TRIO: variants seen among roughly 807,000 people sequenced by gnomAD.
TRIO encodes the protein trio Rho guanine nucleotide exchange factor, also known as triple functional domain protein.
A neutral mutation model predicts 351.9 loss-of-function variants in TRIO; 58 were observed. The ratio of observed to expected loss-of-function variants is 0.16; its 90% CI spans 0.13 to 0.21. TRIO has a LOEUF of 0.21. Ranked by LOEUF, TRIO falls within the 10% of genes least tolerant of loss-of-function variation. The pLI is 1.00. For missense variants in TRIO, 3,201 were observed against 4,027.8 expected, an observed-to-expected ratio of 0.79 and a Z score of 5.56; for synonymous variants, 1,758 against 1,595.7, an observed-to-expected ratio of 1.10 and a Z score of -2.42.
intron 26 of TRIO, chr5:14,390,588 G>A (rs558698649): frequency 2.8e-5 from 15 of 531,564 alleles, no homozygotes; most frequent in South Asian, 2.1e-4. Context: ...CTGGGGGATC[G>A]TCTAGTCTAG....
In TRIO at chr5:14,215,778, T is replaced by A. The variant is rs115762698; in HGVS notation, c.158-55047T>A. 3.2e-3 allele frequency among the ~76,000 whole-genome samples: 495 copies of A among 152,346 alleles called. 3 individuals are homozygous for A. Among genetic ancestry groups the A allele is most frequent in the African/African-American group, 0.011 (461 of 41,584 alleles). ...TTAAGTTCTACTACTCCAAAGTGCCTAAAAATCGAGAAACCATAAAACTAG... is the reference window on the plus strand; with the variant it reads ...TTAAGTTCTACTACTCCAAAGTGCCAAAAAATCGAGAAACCATAAAACTAG... On this transcript the variant is annotated intron_variant, in intron 1 of 56. Transcript: ENST00000344204.
intron 1 of TRIO, among the ~76,000 whole-genome samples, chr5:14,176,566 A>G (rs1038150949): frequency 6.6e-5 from 10 of 151,920 alleles, no homozygotes; most frequent in Non-Finnish European, 1.3e-4. Context: ...CAGTCCTCCT[A>G]CCTCAGCCTC....
intron 18 of TRIO, among the ~76,000 whole-genome samples, chr5:14,371,327 G>A (rs148347389): frequency 2.6e-5 from 4 of 152,206 alleles, no homozygotes; most frequent in Non-Finnish European, 4.4e-5. Flanking sequence ...GAATTTTGTG[G>A]TGTTTGTGTA....
intron 1 of TRIO, among the ~76,000 whole-genome samples, chr5:14,161,383 C>A (rs973517273): frequency 8.5e-5 from 13 of 152,204 alleles, no homozygotes; most frequent in African/African-American, 3.1e-4. Context: ...CTCAAACATC[C>A]TTTCCTTTGG....
Position 14,217,365 on chromosome 5 carries a change from C to A in TRIO, c.158-53460C>A, listed in dbSNP as rs1276989832. On this transcript the variant is annotated intron_variant, in intron 1 of 56. Transcript: ENST00000344204. ...CCTACACCTGCAGCTTCTTTCTGGGCCCCTTTCTTGCCCTCAGTCCTGGCA... is the reference window on the plus strand; with the variant it reads ...CCTACACCTGCAGCTTCTTTCTGGGACCCTTTCTTGCCCTCAGTCCTGGCA... 3.9e-5 allele frequency among the ~76,000 whole-genome samples: 6 copies of A among 152,244 alleles called. No individual in the cohort carries two copies. The South Asian group carries it at 1.2e-3, about 32-fold the overall frequency.
chr5:14,224,032 A>G (rs1250865268), intron 1 of TRIO, among the ~76,000 whole-genome samples: 2 of 152,182 alleles, frequency 1.3e-5, no homozygotes, highest in African/African-American at 4.8e-5. Flanking sequence ...ATGTTTTTCA[A>G]GCAGAGATTG....
intron 55 of TRIO, among the ~76,000 whole-genome samples, 186 bp from the exon 56 acceptor site, chr5:14,506,936 C>T (rs933618635): frequency 3.9e-4 from 59 of 152,206 alleles, no homozygotes; most frequent in African/African-American, 1.3e-3. Context: ...GTACCCCACT[C>T]GCATCTTCCC....
intron 2 of TRIO, among the ~76,000 whole-genome samples, chr5:14,279,933 G>A (rs1299194745): frequency 6.6e-6 from 1 of 152,226 alleles, no homozygotes; most frequent in African/African-American, 2.4e-5. Flanking sequence ...TTGAATGCAG[G>A]GCAATGGGGA....
At chr5:14,346,379 A>G (rs918951167) in intron 11 of TRIO, among the ~76,000 whole-genome samples, 4 of 152,236 alleles carry the variant, frequency 2.6e-5, no homozygotes, top group Non-Finnish European at 5.9e-5. Flanking sequence ...GGAAAGACTT[A>G]TTTAATCTAA....
Position 14,430,605 on chromosome 5 carries a change from G to C in TRIO, c.5203+10584G>C, listed in dbSNP as rs148202756. 5.6e-3 allele frequency among the ~76,000 whole-genome samples: 858 copies of C among 152,174 alleles called. 19 individuals carry two copies. The highest frequency in any genetic ancestry group is 0.036 in the East Asian group (188 of 5,172). Reference sequence around the variant, plus strand: ...CTGGGCTGTTGATGGCTCTCCTAGTGGGCCTTGGAGTCTCTGTATAATCTC... The same window carrying C: ...CTGGGCTGTTGATGGCTCTCCTAGTCGGCCTTGGAGTCTCTGTATAATCTC... On this transcript the variant is annotated intron_variant, in intron 34 of 56. Transcript: ENST00000344204.
intron 21 of TRIO, among the ~76,000 whole-genome samples, chr5:14,384,133 G>C (rs146883042): frequency 6.6e-6 from 1 of 152,146 alleles, no homozygotes; most frequent in Non-Finnish European, 1.5e-5. Flanking sequence ...ACCTAGTGAC[G>C]TAGGCTCTCT....
chr5:14,161,254 A>G (rs151681), intron 1 of TRIO, among the ~76,000 whole-genome samples: 46,879 of 152,022 alleles, frequency 0.31, 7,693 homozygotes, highest in East Asian at 0.48. Flanking sequence ...GTAGCTGGGC[A>G]GACCTCCTGG....
At chr5:14,184,585 AT>A (rs1789992704) in intron 1 of TRIO, among the ~76,000 whole-genome samples, 1 of 152,200 alleles carries the variant, frequency 6.6e-6, no homozygotes, top group African/African-American at 2.4e-5. Flanking sequence ...TCCCTTGCTA[AT>A]TGTTTATGTT....
chr5:14,420,117 C>T (rs2152389664), intron 34 of TRIO, 96 bp downstream of exon 34: 1 of 1,523,056 alleles, frequency 6.6e-7, no homozygotes, highest in East Asian at 2.3e-5. Context: ...TGTGCATGAG[C>T]TTCCTTGTCA....
At chr5:14,376,545 A>T (rs1745575637) in intron 19 of TRIO, among the ~76,000 whole-genome samples, 1 of 152,212 alleles carries the variant, frequency 6.6e-6, no homozygotes, top group Non-Finnish European at 1.5e-5. Flanking sequence ...TCTTTCACTT[A>T]ATAATATATC....
At chr5:14,254,197 C>A (rs535082073) in intron 1 of TRIO, among the ~76,000 whole-genome samples, 2 of 151,912 alleles carry the variant, frequency 1.3e-5, no homozygotes, top group Admixed American at 6.6e-5. Flanking sequence ...CCCCTCCCCC[C>A]GCCTGAGACG....
chr5:14,339,278 CT>C (rs1741718782), intron 11 of TRIO, among the ~76,000 whole-genome samples: 1 of 152,138 alleles, frequency 6.6e-6, no homozygotes, highest in South Asian at 2.1e-4. Context: ...TTCGTTTGGG[CT>C]CATTGGCTTT....
intron 3 of TRIO, among the ~76,000 whole-genome samples, chr5:14,283,832 T>G (rs1017689413): frequency 6.6e-6 from 1 of 152,040 alleles, no homozygotes; most frequent in Non-Finnish European, 1.5e-5. Context: ...AATGAAACTT[T>G]CCACTAAACG....
At chr5:14,461,395 A>G (rs2126499487) in intron 35 of TRIO, 84 bp downstream of exon 35, 1 of 1,416,316 alleles carries the variant, frequency 7.1e-7, no homozygotes, top group Non-Finnish European at 9.2e-7. Flanking sequence ...TCTTATGAGT[A>G]AACTGGTTTG....
Sources: allele counts gnomAD v4.1 joint callset (sites outside exome capture counted in the v4.1 genomes callset), GRCh38; gene constraint gnomAD v4.1.1; transcripts MANE v1.5; gene names NCBI Gene and HGNC (gene_info 2026-07-23, HGNC 2026-07-21).